The following TUSC3 variants were observed in gnomAD, a reference collection of about 807,000 sequenced individuals.
The protein encoded by TUSC3 is tumor suppressor candidate 3, also known as dolichyl-diphosphooligosaccharide--protein glycosyltransferase subunit TUSC3.
In TUSC3, 45 loss-of-function variants were observed where a neutral mutation model predicts 44.8. The ratio of observed to expected loss-of-function variants is 1.00; its 90% CI spans 0.79 to 1.29. TUSC3 has a LOEUF of 1.29. Among genes scored for constraint, TUSC3 ranks in the 50% most tolerant of loss-of-function variants. The pLI, the probability that TUSC3 is intolerant of heterozygous loss-of-function variation, is 0.00. For missense variants in TUSC3, 519 were observed against 437.9 expected (o/e 1.19, Z -1.65); for synonymous variants, 212 against 152.9 (o/e 1.39, Z -2.85).
At chr8:15,618,542 T>G (rs773961066) in intron 1 of TUSC3, among the ~76,000 whole-genome samples, 18 of 152,294 alleles carry the variant, frequency 1.2e-4, no homozygotes, top group South Asian at 6.2e-4. Context: ...TGGGGGGTCT[T>G]CAGGTGCAAT....
At chr8:15,676,529 T>C (rs541849057) in intron 6 of TUSC3, among the ~76,000 whole-genome samples, 1 of 152,294 alleles carries the variant, frequency 6.6e-6, no homozygotes, top group South Asian at 2.1e-4. Flanking sequence ...TGAGGTCTTA[T>C]CCATAAATGC....
chr8:15,473,877 G>A (rs1224190260), intron 1 of TUSC3, among the ~76,000 whole-genome samples: 1 of 152,062 alleles, frequency 6.6e-6, no homozygotes. Context: ...CAGAAAACAG[G>A]GTTTGAGAGC....
At chr8:15,823,909 G>A in the TUSC3 span, among the ~76,000 whole-genome samples, 5 of 152,102 alleles carry the variant, frequency 3.3e-5, no homozygotes, top group South Asian at 2.1e-4. Context: ...TTCCGCTAAC[G>A]GATAGTATGA....
intron 9 of TUSC3, among the ~76,000 whole-genome samples, chr8:15,749,245 G>C (rs1464028316): frequency 1.3e-5 from 2 of 152,108 alleles, no homozygotes. Context: ...AGTAGAACCA[G>C]TGATATGTTG....
chr8:15,635,589 A>G (rs554919215), intron 2 of TUSC3, among the ~76,000 whole-genome samples: 20 of 152,288 alleles, frequency 1.3e-4, no homozygotes, highest in African/African-American at 4.8e-4. Flanking sequence ...ATGTACTCTA[A>G]CACACTGTAC....
chr8:15,686,881 A>C (rs1287635572), intron 6 of TUSC3, among the ~76,000 whole-genome samples: 1 of 151,992 alleles, frequency 6.6e-6, no homozygotes, highest in East Asian at 1.9e-4. Context: ...ATCCTGGCTA[A>C]CACAGTGAAA....
At chr8:15,423,109 TGTTTCTTA>T (rs1799758480) in intron 1 of TUSC3, among the ~76,000 whole-genome samples, 1 of 152,120 alleles carries the variant, frequency 6.6e-6, no homozygotes, top group South Asian at 2.1e-4. Context: ...AAGAAAAAAG[TGTTTCTTA>T]GTTTCTTATA....
At chr8:15,783,307 C>T in the TUSC3 span, among the ~76,000 whole-genome samples, 1 of 152,078 alleles carries the variant, frequency 6.6e-6, no homozygotes, top group Non-Finnish European at 1.5e-5. Context: ...GTGCTATCCA[C>T]TAACAGATTT....
intron 1 of TUSC3, among the ~76,000 whole-genome samples, chr8:15,618,611 G>C (rs969846631): frequency 5.9e-5 from 9 of 152,112 alleles, no homozygotes; most frequent in Admixed American, 2.6e-4. Flanking sequence ...CCTCGTAAAG[G>C]ACCTGCCTGA....
intron 9 of TUSC3, among the ~76,000 whole-genome samples, chr8:15,757,559 C>T (rs1389462216): frequency 6.6e-6 from 1 of 152,122 alleles, no homozygotes; most frequent in Non-Finnish European, 1.5e-5. Flanking sequence ...TCACTGGTCT[C>T]AACCTTTCTC....
intron 6 of TUSC3, among the ~76,000 whole-genome samples, chr8:15,686,493 T>C (rs1808634123): frequency 6.6e-6 from 1 of 151,364 alleles, no homozygotes; most frequent in African/African-American, 2.4e-5. Flanking sequence ...ATCGAGGCAT[T>C]TTTTTTTTCT....
At chr8:15,801,039 C>A in the TUSC3 span, among the ~76,000 whole-genome samples, 1 of 152,006 alleles carries the variant, frequency 6.6e-6, no homozygotes, top group African/African-American at 2.4e-5. Context: ...CTGGATCTCA[C>A]CCAAGAAAGA....
intron 2 of TUSC3, among the ~76,000 whole-genome samples, chr8:15,519,117 A>G (rs1242437309): frequency 6.6e-6 from 1 of 152,174 alleles, no homozygotes; most frequent in Non-Finnish European, 1.5e-5. Flanking sequence ...ATCTACTGAC[A>G]TTAAGATTTA....
chr8:15,501,893 T>G (rs1025000512), intron 2 of TUSC3, among the ~76,000 whole-genome samples: 1 of 152,228 alleles, frequency 6.6e-6, no homozygotes, highest in Non-Finnish European at 1.5e-5. Context: ...CAGTCTCTTA[T>G]CCTACCTGTG....
chr8:15,789,094 C>A, the TUSC3 span, among the ~76,000 whole-genome samples: 2 of 152,156 alleles, frequency 1.3e-5, no homozygotes, highest in African/African-American at 4.8e-5. Context: ...TCAAGCATGC[C>A]CATGACTATG....
chr8:15,534,236 C>G (rs1801491172), intron 2 of TUSC3, among the ~76,000 whole-genome samples: 1 of 151,988 alleles, frequency 6.6e-6, no homozygotes, highest in Non-Finnish European at 1.5e-5. Context: ...TAACTTTTGG[C>G]ATTATTTAAA....
chr8:15,819,008 G>C, the TUSC3 span, among the ~76,000 whole-genome samples: 1 of 152,088 alleles, frequency 6.6e-6, no homozygotes, highest in Non-Finnish European at 1.5e-5. Flanking sequence ...AGGATCACTT[G>C]AGGCCAGGAG....
chr8:15,547,595 C>T (rs1465985765), intron 1 of TUSC3, among the ~76,000 whole-genome samples: 2 of 151,456 alleles, frequency 1.3e-5, no homozygotes, highest in African/African-American at 2.4e-5. Context: ...AGATTGTTGT[C>T]GTAGATTGAA....
intron 1 of TUSC3, among the ~76,000 whole-genome samples, chr8:15,424,404 A>T (rs1008756266): frequency 1.3e-5 from 2 of 152,234 alleles, no homozygotes; most frequent in South Asian, 4.1e-4. Context: ...CAAAATCTGG[A>T]CTATGTCTAG....
Sources: allele counts gnomAD v4.1 joint callset (sites outside exome capture counted in the v4.1 genomes callset), GRCh38; gene constraint gnomAD v4.1.1; transcripts MANE v1.5; gene names NCBI Gene and HGNC (gene_info 2026-07-23, HGNC 2026-07-21).